CAMK2D: variants seen among roughly 807,000 people sequenced by gnomAD.
The protein encoded by CAMK2D is calcium/calmodulin-dependent protein kinase type II subunit delta.
In CAMK2D, 37 loss-of-function variants were observed where a neutral mutation model predicts 84.0. The ratio of observed to expected loss-of-function variants is 0.44; its 90% CI spans 0.34 to 0.58. The LOEUF is 0.58. Ranked by LOEUF, CAMK2D falls within the 20% of genes least tolerant of loss-of-function variation. CAMK2D has a pLI of 0.02. For missense variants in CAMK2D, 448 were observed against 652.5 expected, an observed-to-expected ratio of 0.69 and a Z score of 3.41; for synonymous variants, 202 against 212.5, an observed-to-expected ratio of 0.95 and a Z score of 0.43.
intron 2 of CAMK2D, among the ~76,000 whole-genome samples, chr4:113,686,062 CA>C (rs111982570): frequency 0.064 from 7,450 of 115,826 alleles, 253 homozygotes; most frequent in African/African-American, 0.12. Flanking sequence ...GATTCTGTCT[CA>C]AAAAAAAAAA....
At chr4:113,499,700 T>G (rs1230446582) in intron 16 of CAMK2D, among the ~76,000 whole-genome samples, 1 of 152,206 alleles carries the variant, frequency 6.6e-6, no homozygotes, top group Non-Finnish European at 1.5e-5. Context: ...TTACCGCTGT[T>G]TGTCAGAATA....
intron 17 of CAMK2D, among the ~76,000 whole-genome samples, chr4:113,461,558 G>A (rs2097373780): frequency 6.6e-6 from 1 of 152,156 alleles, no homozygotes; most frequent in Non-Finnish European, 1.5e-5. Flanking sequence ...TGTTATGTGT[G>A]TAAGGCCCCT....
chr4:113,585,704 A>C (rs930006364), intron 4 of CAMK2D, among the ~76,000 whole-genome samples: 5 of 143,498 alleles, frequency 3.5e-5, no homozygotes, highest in Admixed American at 7.7e-5. Flanking sequence ...GTGTATATAT[A>C]GATTAGTATA....
At chr4:113,648,955 T>A (rs2099162167) in intron 3 of CAMK2D, among the ~76,000 whole-genome samples, 1 of 152,230 alleles carries the variant, frequency 6.6e-6, no homozygotes. Flanking sequence ...GTGAAATTTC[T>A]AATTTCTCCC....
At chr4:113,627,115 C>T (rs2099071405) in intron 3 of CAMK2D, among the ~76,000 whole-genome samples, 1 of 151,938 alleles carries the variant, frequency 6.6e-6, no homozygotes, top group Admixed American at 6.6e-5. Context: ...ATTGACTGTC[C>T]TATGATGCTC....
chr4:113,558,418 A>G (rs1329559543), intron 4 of CAMK2D, among the ~76,000 whole-genome samples: 2 of 152,230 alleles, frequency 1.3e-5, no homozygotes, highest in Non-Finnish European at 2.9e-5. Context: ...ATTAAATTAT[A>G]TATGCAGTTG....
rs147439865 is a variant in CAMK2D, at chr4:113,655,388, G to A, written c.220+6325C>T. Among the ~76,000 whole-genome samples, 233 of 152,116 alleles carry A rather than the reference G, an allele frequency of 1.5e-3. No individual in the cohort carries two copies. The East Asian group carries it at 0.016, about 10-fold the overall frequency. On this transcript the variant is annotated intron_variant, in intron 3 of 20. Transcript: ENST00000511664. Reference sequence around the variant, plus strand: ...GAGGAGGTAATCATTGAGCTATGACGTGATCTAGAAAGGTTAATTCATTCC... The same window carrying A: ...GAGGAGGTAATCATTGAGCTATGACATGATCTAGAAAGGTTAATTCATTCC...
intron 17 of CAMK2D, among the ~76,000 whole-genome samples, chr4:113,460,924 C>T (rs1472925279): frequency 6.6e-6 from 1 of 152,108 alleles, no homozygotes; most frequent in Non-Finnish European, 1.5e-5. Context: ...ACTCTAGGCA[C>T]AAGTGATCCT....
intron 3 of CAMK2D, among the ~76,000 whole-genome samples, chr4:113,610,204 T>C (rs2098994309): frequency 6.6e-6 from 1 of 152,182 alleles, no homozygotes; most frequent in Non-Finnish European, 1.5e-5. Flanking sequence ...CTCTCCCTTT[T>C]CCCACCTTCC....
At chr4:113,755,748 A>G (rs1186912916) in intron 2 of CAMK2D, among the ~76,000 whole-genome samples, 1 of 152,026 alleles carries the variant, frequency 6.6e-6, no homozygotes, top group Non-Finnish European at 1.5e-5. Flanking sequence ...CTAAACATGT[A>G]TAAATAAACA....
chr4:113,675,404 G>C (rs1367532107), intron 2 of CAMK2D, among the ~76,000 whole-genome samples: 3 of 152,168 alleles, frequency 2.0e-5, no homozygotes, highest in Non-Finnish European at 2.9e-5. Context: ...TATTGGTACA[G>C]AGAGATTGCT....
intron 4 of CAMK2D, among the ~76,000 whole-genome samples, chr4:113,555,998 C>T (rs10027475): frequency 0.77 from 116,586 of 151,970 alleles, 45,074 homozygotes; most frequent in African/African-American, 0.84. Context: ...AGAACCAGAC[C>T]ACGCTGGCAC....
intron 2 of CAMK2D, among the ~76,000 whole-genome samples, chr4:113,716,871 T>C (rs1489112650): frequency 6.6e-6 from 1 of 152,130 alleles, no homozygotes; most frequent in Non-Finnish European, 1.5e-5. Context: ...TGGTGCCATT[T>C]AGGAATATTT....
intron 16 of CAMK2D, among the ~76,000 whole-genome samples, chr4:113,495,011 C>T (rs1439344528): frequency 5.9e-5 from 9 of 152,308 alleles, no homozygotes; most frequent in South Asian, 2.1e-4. Context: ...ACGCACGGTG[C>T]GCGCACCCAC....
chr4:113,665,177 T>C (rs1438125218), intron 2 of CAMK2D, among the ~76,000 whole-genome samples: 5 of 152,230 alleles, frequency 3.3e-5, no homozygotes, highest in African/African-American at 1.2e-4. Flanking sequence ...TTCCTCCATA[T>C]AATCACATAA....
At chr4:113,597,355 A>G (rs1284520602) in intron 4 of CAMK2D, among the ~76,000 whole-genome samples, 3 of 152,192 alleles carry the variant, frequency 2.0e-5, no homozygotes, top group African/African-American at 7.2e-5. Flanking sequence ...GATCTTCTGG[A>G]TAAGTTACTG....
At chr4:113,718,526 G>C (rs921196731) in intron 2 of CAMK2D, among the ~76,000 whole-genome samples, 3 of 152,122 alleles carry the variant, frequency 2.0e-5, no homozygotes, top group Non-Finnish European at 4.4e-5. Context: ...GAGCAATTTG[G>C]GAAGGTTTAG....
At chr4:113,716,968 A>C (rs1370717103) in intron 2 of CAMK2D, among the ~76,000 whole-genome samples, 1 of 152,212 alleles carries the variant, frequency 6.6e-6, no homozygotes, top group Non-Finnish European at 1.5e-5. Flanking sequence ...TTTGTGTTCC[A>C]ATTATTTTCA....
chr4:113,656,482 A>T (rs1016196570), intron 3 of CAMK2D, among the ~76,000 whole-genome samples: 1 of 152,152 alleles, frequency 6.6e-6, no homozygotes, highest in African/African-American at 2.4e-5. Context: ...TCATGTAACT[A>T]GGAAACCATT....
Sources: allele counts gnomAD v4.1 joint callset (sites outside exome capture counted in the v4.1 genomes callset), GRCh38; gene constraint gnomAD v4.1.1; transcripts MANE v1.5; gene names NCBI Gene and HGNC (gene_info 2026-07-23, HGNC 2026-07-21).